The following TMPRSS13 variants were observed in gnomAD, a reference collection of about 807,000 sequenced individuals.
The protein encoded by TMPRSS13 is transmembrane serine protease 13.
A neutral mutation model predicts 68.4 loss-of-function variants in TMPRSS13; 50 were observed. That is an observed-to-expected ratio of 0.73 (90% confidence interval 0.58 to 0.93). The LOEUF is 0.93. Among genes scored for constraint, TMPRSS13 ranks in the 40% least tolerant of loss-of-function variants. The probability of loss-of-function intolerance (pLI) is 0.00; values close to 1 mark genes in which losing one functional copy is unlikely to be tolerated. For synonymous variants in TMPRSS13, 267 were observed against 285.8 expected, an observed-to-expected ratio of 0.93 and a Z score of 0.66; for missense variants, 615 against 729.2, an observed-to-expected ratio of 0.84 and a Z score of 1.80.
chr11:117,907,885 GATGAATGATGAGTGA>G, intron 9 of TMPRSS13: 1 of 930,634 alleles, frequency 1.1e-6, no homozygotes, highest in Non-Finnish European at 1.2e-6. Context: ...TGAGTGAATG[GATGAATGATGAGTGA>G]ATGAATGAAT....
chr11:117,904,151 T>G, intron 10 of TMPRSS13, 50 bp from the exon 11 acceptor site: 1 of 1,592,892 alleles, frequency 6.3e-7, no homozygotes, highest in Non-Finnish European at 8.6e-7. Flanking sequence ...CCAGTGAGAT[T>G]CTAGATAGCT....
intron 12 of TMPRSS13, chr11:117,902,991 C>A: frequency 9.8e-7 from 1 of 1,022,364 alleles, no homozygotes; most frequent in Non-Finnish European, 1.2e-6. Flanking sequence ...TTGACCTGAG[C>A]AATGACTTCT....
rs1020042945 is a variant in TMPRSS13, at chr11:117,901,442, T to C, written c.*797A>G. 2.0e-5 allele frequency: 3 copies of C among 152,560 alleles called. No homozygotes were observed. Among genetic ancestry groups the C allele is most frequent in the Admixed American group, 6.5e-5 (1 of 15,284 alleles). The allele number at this position is 152,560 out of a possible 1,614,324, so 9.5% of individuals were successfully genotyped here. A position where few individuals can be genotyped will look rare whatever the true frequency, so the allele number is the denominator to read the frequency against. ...TCATCCAGTTCCTTGAGGCCAGAAA[T>C]ATTCTGTAGGACTCTAAAATACGAC... On this transcript the variant is annotated 3_prime_UTR_variant, in exon 13 of 13. Coordinates refer to ENST00000524993, the MANE Select transcript of TMPRSS13 (RefSeq NM_001077263.3).
rs1248082963 is a variant in TMPRSS13 at position 117,905,791 on chromosome 11, G to C, written c.1283-55C>G. Reference sequence around the variant, plus strand: ...GGAACAAGGCTGAGACTTTCAGTAGGGGGAGGGAGAAGGAGCACAACCACT... The same window carrying C: ...GGAACAAGGCTGAGACTTTCAGTAGCGGGAGGGAGAAGGAGCACAACCACT... On this transcript the variant is annotated intron_variant, in intron 9 of 12. Transcript: ENST00000524993. 15 of 1,436,980 alleles carry C rather than the reference G, an allele frequency of 1.0e-5. No homozygotes were observed. The East Asian group carries it at 1.5e-4, about 14-fold the overall frequency. The allele number at this position is 1,436,980 out of a possible 1,614,324, so 89.0% of individuals were successfully genotyped here. A position where few individuals can be genotyped will look rare whatever the true frequency, so the allele number is the denominator to read the frequency against.
Position 117,929,316 on chromosome 11 carries a change from A to C in TMPRSS13, c.-9T>G. 1 of 1,605,290 alleles carries C rather than the reference A, an allele frequency of 6.2e-7. No homozygotes were observed. Among genetic ancestry groups the C allele is most frequent in the South Asian group, 1.1e-5 (1 of 89,182 alleles). On this transcript the variant is annotated 5_prime_UTR_variant, in exon 1 of 13. Coordinates refer to ENST00000524993, the MANE Select transcript of TMPRSS13 (RefSeq NM_001077263.3). ...TGGCTGTCCCTCTCCATGGTCTCTG[A>C]GGGGAAGAGTCCTCCAGGCTTAGCT...
intron 1 of TMPRSS13, among the ~76,000 whole-genome samples, chr11:117,925,479 G>A (rs1255772004): frequency 6.6e-6 from 1 of 151,996 alleles, no homozygotes; most frequent in Non-Finnish European, 1.5e-5. Context: ...AATAATGTTT[G>A]ATTGCCCAGG....
At chr11:117,926,703 A>C (rs994226361) in intron 1 of TMPRSS13, among the ~76,000 whole-genome samples, 4 of 152,208 alleles carry the variant, frequency 2.6e-5, no homozygotes, top group African/African-American at 9.7e-5. Context: ...ATGTAATTCC[A>C]GACTGTCAGG....
At chr11:117,918,315 T>C in intron 2 of TMPRSS13, 94 bp downstream of exon 2, 2 of 1,397,546 alleles carry the variant, frequency 1.4e-6, no homozygotes, top group Non-Finnish European at 1.9e-6. Context: ...CATCGTTGTC[T>C]GCTATGAGAG....
intron 2 of TMPRSS13, among the ~76,000 whole-genome samples, 171 bp downstream of exon 2, chr11:117,918,238 G>A (rs1175127285): frequency 6.6e-6 from 1 of 152,108 alleles, no homozygotes; most frequent in Non-Finnish European, 1.5e-5. Context: ...AGGTTTTCAT[G>A]TAATGTTTCC....
At chr11:117,916,989 C>T (rs2057584129) in intron 3 of TMPRSS13, among the ~76,000 whole-genome samples, 181 bp downstream of exon 3, 1 of 152,194 alleles carries the variant, frequency 6.6e-6, no homozygotes. Flanking sequence ...AACCTGGATA[C>T]CCCACAGGGG....
At chr11:117,923,870 TC>T (rs1195089023) in intron 1 of TMPRSS13, among the ~76,000 whole-genome samples, 2 of 148,046 alleles carry the variant, frequency 1.4e-5, no homozygotes, top group Non-Finnish European at 3.0e-5. Context: ...CTCCTTCTAG[TC>T]CTGAAGAATG....
intron 8 of TMPRSS13, among the ~76,000 whole-genome samples, chr11:117,909,522 C>T (rs2057498404): frequency 6.6e-6 from 1 of 152,206 alleles, no homozygotes; most frequent in African/African-American, 2.4e-5. Context: ...TCATTTCACC[C>T]TGTTCTTCAG....
chr11:117,916,016 G>C (rs1591625333), intron 3 of TMPRSS13, among the ~76,000 whole-genome samples: 1 of 152,186 alleles, frequency 6.6e-6, no homozygotes, highest in African/African-American at 2.4e-5. Context: ...GGCAGAGCCA[G>C]GGTCTGTGTG....
intron 1 of TMPRSS13, among the ~76,000 whole-genome samples, chr11:117,921,993 C>A (rs1011594690): frequency 2.6e-5 from 4 of 152,200 alleles, no homozygotes; most frequent in African/African-American, 9.7e-5. Context: ...TTCTCATCTT[C>A]AGGGATCATC....
chr11:117,908,965 C>T (rs1182261776), intron 8 of TMPRSS13, among the ~76,000 whole-genome samples, 181 bp from the exon 9 acceptor site: 3 of 152,192 alleles, frequency 2.0e-5, no homozygotes, highest in African/African-American at 7.2e-5. Flanking sequence ...CCCACAGCCC[C>T]TCAAAAATTA....
At chr11:117,912,123 T>C (rs1467080180) in intron 5 of TMPRSS13, among the ~76,000 whole-genome samples, 2 of 152,186 alleles carry the variant, frequency 1.3e-5, no homozygotes, top group African/African-American at 4.8e-5. Context: ...TGGTGGAGAC[T>C]GGTAGCATTA....
At chr11:117,905,028 G>A (rs1295791408) in intron 10 of TMPRSS13, among the ~76,000 whole-genome samples, 2 of 150,996 alleles carry the variant, frequency 1.3e-5, no homozygotes, top group Non-Finnish European at 3.0e-5. Flanking sequence ...TCTCATAGCT[G>A]GGACTACAGG....
At chr11:117,925,453 C>T (rs765726332) in intron 1 of TMPRSS13, among the ~76,000 whole-genome samples, 9 of 151,966 alleles carry the variant, frequency 5.9e-5, no homozygotes, top group African/African-American at 1.7e-4. Flanking sequence ...CATGGAGTGC[C>T]CACTATTGCC....
At chr11:117,903,197 T>C in intron 12 of TMPRSS13, 1 of 1,390,834 alleles carries the variant, frequency 7.2e-7, no homozygotes, top group African/African-American at 1.5e-5. Flanking sequence ...GTCACTTGTG[T>C]TTTTAAAAAA....
Sources: gnomAD v4.1 joint callset for allele counts (sites outside exome capture counted in the v4.1 genomes callset) on GRCh38, gnomAD v4.1.1 for gene constraint, MANE v1.5 for transcripts, NCBI Gene and HGNC (gene_info 2026-07-23, HGNC 2026-07-21) for gene names.